XIAP: variants seen among roughly 807,000 people sequenced by gnomAD.
XIAP encodes the protein E3 ubiquitin-protein ligase XIAP.
XIAP carries 3 observed loss-of-function variants against 33.1 expected under a neutral mutation model. The observed-to-expected ratio is 0.09, with a 90% confidence interval of 0.04 to 0.23. XIAP has a LOEUF of 0.23. Among genes scored for constraint, XIAP ranks in the 10% least tolerant of loss-of-function variants. The probability of loss-of-function intolerance (pLI) is 1.00; values close to 1 mark genes in which losing one functional copy is unlikely to be tolerated. For missense variants in XIAP, 264 were observed against 363.0 expected, an observed-to-expected ratio of 0.73 and a Z score of 2.22; for synonymous variants, 98 against 121.3, an observed-to-expected ratio of 0.81 and a Z score of 1.26.
intron 1 of XIAP, among the ~76,000 whole-genome samples, chrX:123,882,299 TCTA>T: frequency 9.0e-6 from 1 of 111,584 alleles, no homozygotes; most frequent in Non-Finnish European, 1.9e-5. Context: ...TGGGTTAAAA[TCTA>T]CTATTTACAG....
chrX:123,871,825 G>A lies in XIAP; in HGVS notation c.-33+11532G>A, dbSNP rs976868475. On this transcript the variant is annotated intron_variant, in intron 1 of 6. Coordinates refer to ENST00000371199, the MANE Select transcript of XIAP (RefSeq NM_001167.4). ...GTGTCTACAAAATATAATAATGGCC[G>A]GGTGCGGTGGCTCATGCCTGTAATC... 7.2e-5 allele frequency among the ~76,000 whole-genome samples: 8 copies of A among 110,921 alleles called. No individual in the cohort carries two copies. The South Asian group carries it at 1.1e-3, about 16-fold the overall frequency.
intron 1 of XIAP, among the ~76,000 whole-genome samples, chrX:123,883,301 C>T (rs1375589426): frequency 9.0e-6 from 1 of 110,645 alleles, no homozygotes; most frequent in Non-Finnish European, 1.9e-5. Context: ...TCAGGCTGGT[C>T]TCGAACTCCT....
chrX:123,863,143 A>G (rs777216964), intron 1 of XIAP, among the ~76,000 whole-genome samples: 3 of 110,842 alleles, frequency 2.7e-5, no homozygotes, highest in Non-Finnish European at 5.7e-5. Context: ...AGATAAGAAC[A>G]TATTTTTTAA....
intron 6 of XIAP, 149 bp downstream of exon 6, chrX:123,900,842 A>G (rs2053508951): frequency 3.8e-6 from 2 of 527,606 alleles, no homozygotes; most frequent in Admixed American, 3.1e-5. Context: ...TCAAGCTGCT[A>G]TAATAAAATT....
chrX:123,876,068 C>T (rs1226617294), intron 1 of XIAP, among the ~76,000 whole-genome samples: 1 of 111,548 alleles, frequency 9.0e-6, no homozygotes, highest in Non-Finnish European at 1.9e-5. Context: ...GGCTGAAGTG[C>T]AGTGACGCAG....
At chrX:123,897,119 C>T (rs1273743841) in intron 5 of XIAP, among the ~76,000 whole-genome samples, 1 of 107,926 alleles carries the variant, frequency 9.3e-6, no homozygotes, top group Non-Finnish European at 1.9e-5. Context: ...TTAGTAGAGA[C>T]GGGGTTTCTC....
At chrX:123,872,553 G>A (rs1446396015) in intron 1 of XIAP, 1 of 109,893 alleles carries the variant, frequency 9.1e-6, no homozygotes, top group African/African-American at 3.3e-5. Flanking sequence ...GTCGGGCATG[G>A]TGGCGCGCCC....
rs768076771 is a variant in XIAP at position 123,913,201 on chromosome X, G to A, written c.*6020G>A. 6.1e-6 allele frequency: 2 copies of A among 329,268 alleles called. No homozygotes were observed. Among genetic ancestry groups the A allele is most frequent in the Non-Finnish European group, 5.9e-6 (1 of 169,903 alleles). The allele number at this position is 329,268 out of a possible 1,213,427, so 27.1% of individuals were successfully genotyped here. A position where few individuals can be genotyped will look rare whatever the true frequency, so the allele number is the denominator to read the frequency against. ...AAGTAGACAAATGGCGCCGGGCACG[G>A]TGGCTCACGCCTGTAATCCCAGCAG... On this transcript the variant is annotated 3_prime_UTR_variant, in exon 7 of 7. Transcript: ENST00000371199.
In XIAP at chrX:123,907,641, TAGAG is replaced by T. The variant is rs1438786109; in HGVS notation, c.*462_*465del. 11 of 372,392 alleles carry T rather than the reference TAGAG, an allele frequency of 3.0e-5. No homozygotes were observed. Among genetic ancestry groups the T allele is most frequent in the South Asian group, 1.9e-4 (7 of 37,423 alleles). The allele number at this position is 372,392 out of a possible 1,213,427, so 30.7% of individuals were successfully genotyped here. ...AAATTGTTCCATGCTGGTGGAAAGA[TAGAG>T]ATTGTTTTTAGAGGTTGGTTGTTGT... On this transcript the variant is annotated 3_prime_UTR_variant, in exon 7 of 7. Transcript: ENST00000371199.
At chrX:123,890,173 C>T (rs1337351459) in intron 3 of XIAP, among the ~76,000 whole-genome samples, 6 of 101,608 alleles carry the variant, frequency 5.9e-5, no homozygotes, top group Non-Finnish European at 1.0e-4. Context: ...CCCGCTACCA[C>T]GCCCGGCTAA....
At position 123,899,203 on chromosome X, in the gene XIAP, G is replaced by T. The variant is rs188664478; in HGVS notation, c.1100-1290G>T. 1.8e-3 allele frequency among the ~76,000 whole-genome samples: 40 copies of T among 21,909 alleles called. 2 individuals are homozygous for T. The highest frequency in any genetic ancestry group is 0.01 in the South Asian group (4 of 384). The allele number at this position is 21,909 out of a possible 115,157, so 19.0% of individuals were successfully genotyped here. On this transcript the variant is annotated intron_variant, in intron 5 of 6. Transcript: ENST00000371199. ...TATATGATTTTATATATATATGATT[G>T]TGTATATATATATGATTTTGTATAT...
At chrX:123,906,095 T>C (rs2053553912) in intron 6 of XIAP, among the ~76,000 whole-genome samples, 1 of 113,084 alleles carries the variant, frequency 8.8e-6, no homozygotes, top group South Asian at 3.6e-4. Context: ...GCACGTACTA[T>C]TTATGCAATA....
Position 123,869,362 on chromosome X carries a change from C to CAAAAAAAAAAAAAAA in XIAP, c.-33+9077_-33+9091dup, listed in dbSNP as rs57436822. Among the ~76,000 whole-genome samples the CAAAAAAAAAAAAAAA allele has an allele frequency of 5.7e-4, 17 of 29,721 alleles. 2 individuals carry two copies. The highest frequency in any genetic ancestry group is 9.2e-4 in the East Asian group (1 of 1,085). The allele number at this position is 29,721 out of a possible 115,157, so 25.8% of individuals were successfully genotyped here. ...AAACCCCATCTCTACTAAAAAAATA[C>CAAAAAAAAAAAAAAA]AAAAAAAAAAAAAAAAAAAAAAGCT... is the stretch of plus-strand genomic sequence containing the variant. On this transcript the variant is annotated intron_variant, in intron 1 of 6. Coordinates refer to ENST00000371199, the MANE Select transcript of XIAP (RefSeq NM_001167.4).
At chrX:123,906,882 C>G (rs1247596546) in intron 6 of XIAP, 106 bp from the exon 7 acceptor site, 1 of 948,121 alleles carries the variant, frequency 1.1e-6, no homozygotes, top group Non-Finnish European at 1.5e-6. Flanking sequence ...TATCTCCCGG[C>G]ACTTGTTGGG....
rs1336057712 is a variant in XIAP, at chrX:123,909,516, GAA to G, written c.*2338_*2339del. On this transcript the variant is annotated 3_prime_UTR_variant, in exon 7 of 7. Transcript: ENST00000371199. Reference sequence around the variant, plus strand: ...AAATTTAAAGTTTTCTACAAGGGGAGAAAAGTGTTAAAATTTTTAAAATATGT... The same window carrying G: ...AAATTTAAAGTTTTCTACAAGGGGAGAAGTGTTAAAATTTTTAAAATATGT... 3 of 325,326 alleles carry G rather than the reference GAA, an allele frequency of 9.2e-6. No homozygotes were observed. The highest frequency in any genetic ancestry group is 1.2e-5 in the Non-Finnish European group (2 of 169,259). The allele number at this position is 325,326 out of a possible 1,213,427, so 26.8% of individuals were successfully genotyped here.
At chrX:123,893,762 A>T (rs2053432862) in intron 5 of XIAP, among the ~76,000 whole-genome samples, 1 of 111,424 alleles carries the variant, frequency 9.0e-6, no homozygotes, top group Non-Finnish European at 1.9e-5. Flanking sequence ...AATCGCTTGA[A>T]CCTGGGCAGT....
chrX:123,898,792 C>G (rs1184272080), intron 5 of XIAP, among the ~76,000 whole-genome samples: 1 of 106,676 alleles, frequency 9.4e-6, no homozygotes, highest in Non-Finnish European at 1.9e-5. Flanking sequence ...TGCACCCAGC[C>G]TCCTCTCTTT....
At chrX:123,886,599 T>C (rs2053354085) in intron 2 of XIAP, 60 bp downstream of exon 2, 2 of 1,136,755 alleles carry the variant, frequency 1.8e-6, no homozygotes, top group Admixed American at 4.4e-5. Context: ...TCATAAAAAG[T>C]AAATAGATGC....
intron 1 of XIAP, among the ~76,000 whole-genome samples, chrX:123,871,544 C>T (rs2053193312): frequency 9.4e-6 from 1 of 106,167 alleles, no homozygotes; most frequent in Admixed American, 1.0e-4. Flanking sequence ...GAGACAGGAT[C>T]TGGTTCTATC....
Sources: gnomAD v4.1 joint callset for allele counts (sites outside exome capture counted in the v4.1 genomes callset) on GRCh38, gnomAD v4.1.1 for gene constraint, MANE v1.5 for transcripts, NCBI Gene and HGNC (gene_info 2026-07-23, HGNC 2026-07-21) for gene names.